Variants in RFX3 observed in about 807,000 individuals in gnomAD.
RFX3 encodes the protein regulatory factor X3, also known as transcription factor RFX3.
RFX3 carries 14 observed loss-of-function variants against 98.6 expected under a neutral mutation model. The ratio of observed to expected loss-of-function variants is 0.14; its 90% CI spans 0.09 to 0.22. The LOEUF (loss-of-function observed/expected upper bound fraction) is 0.22. Ranked by LOEUF, RFX3 falls within the 10% of genes least tolerant of loss-of-function variation. RFX3 has a pLI of 1.00. For synonymous variants in RFX3, 383 were observed against 328.4 expected, an observed-to-expected ratio of 1.17 and a Z score of -1.80; for missense variants, 639 against 926.9, an observed-to-expected ratio of 0.69 and a Z score of 4.03.
At chr9:3,323,658 T>G (rs918167587) in intron 4 of RFX3, among the ~76,000 whole-genome samples, 1 of 152,222 alleles carries the variant, frequency 6.6e-6, no homozygotes, top group Non-Finnish European at 1.5e-5. Flanking sequence ...TTTTCTGGCA[T>G]GTTACCCATA....
At position 3,225,122 on chromosome 9, in the gene RFX3, T is replaced by A; in HGVS notation, c.2170A>T (p.Ile724Phe). Residue 724 changes from isoleucine to phenylalanine, a missense_variant, in exon 17 of 17, where the codon ATT becomes TTT. Around this residue, in one of 9 missense-constraint regions of RFX3, gnomAD observed 129 missense variants for 124.6 expected, o/e 1.04. Coordinates refer to ENST00000617270, the MANE Select transcript of RFX3 (RefSeq NM_001282116.2). Reference protein sequence around the residue: ...TGVQPSLLNPIHSEHIVTSTQ... With the variant: ...TGVQPSLLNPFHSEHIVTSTQ... ...CTTGTGACAATGTGCTCGCTGTGAATTGGATTCAGGAGGCTTGGTTGCACG... is the reference window on the plus strand; with the variant it reads ...CTTGTGACAATGTGCTCGCTGTGAAATGGATTCAGGAGGCTTGGTTGCACG... The A allele has an allele frequency of 6.2e-7, 1 of 1,613,992 alleles. No individual in the cohort carries two copies. The highest frequency in any genetic ancestry group is 1.1e-5 in the South Asian group (1 of 91,082).
intron 15 of RFX3, among the ~76,000 whole-genome samples, chr9:3,240,882 T>G (rs1332596804): frequency 6.6e-6 from 1 of 152,166 alleles, no homozygotes; most frequent in African/African-American, 2.4e-5. Context: ...ACCGTCATGC[T>G]TACTCTATGC....
At chr9:3,243,780 C>A (rs907519099) in intron 15 of RFX3, among the ~76,000 whole-genome samples, 1 of 152,056 alleles carries the variant, frequency 6.6e-6, no homozygotes, top group Non-Finnish European at 1.5e-5. Flanking sequence ...AAACAAATAC[C>A]CAGCAAAGTT....
intron 1 of RFX3, among the ~76,000 whole-genome samples, chr9:3,434,296 GA>G (rs1844921504): frequency 6.6e-6 from 1 of 152,060 alleles, no homozygotes; most frequent in Non-Finnish European, 1.5e-5. Context: ...GCTTCTAACA[GA>G]ATATACCACT....
intron 1 of RFX3, among the ~76,000 whole-genome samples, chr9:3,456,944 C>G (rs1478287742): frequency 6.6e-6 from 1 of 151,690 alleles, no homozygotes; most frequent in Non-Finnish European, 1.5e-5. Context: ...GTCAAGAGAT[C>G]GAGACCATCC....
intron 1 of RFX3, among the ~76,000 whole-genome samples, chr9:3,426,019 A>C (rs1205791230): frequency 6.6e-6 from 1 of 152,168 alleles, no homozygotes; most frequent in Non-Finnish European, 1.5e-5. Context: ...AACCAAAAAA[A>C]CCCATCATTC....
intron 1 of RFX3, chr9:3,452,316 C>A (rs1362281785): frequency 2.0e-5 from 5 of 254,040 alleles, no homozygotes; most frequent in East Asian, 1.3e-4. Flanking sequence ...AATGGCCAGG[C>A]ACATTGGCTC....
chr9:3,412,896 AT>A (rs896687950), intron 1 of RFX3, among the ~76,000 whole-genome samples: 2 of 152,176 alleles, frequency 1.3e-5, no homozygotes, highest in African/African-American at 4.8e-5. Flanking sequence ...CCTGTTTATT[AT>A]TTAATGTGAG....
At position 3,250,107 on chromosome 9, in the gene RFX3, T is replaced by C. The variant is rs868558989; in HGVS notation, c.1815-1922A>G. ...TATAAGAGTTATATGAAAATAAATATTTCTATTCCTATGGTAAAAAAAATT... is the reference window on the plus strand; with the variant it reads ...TATAAGAGTTATATGAAAATAAATACTTCTATTCCTATGGTAAAAAAAATT... On this transcript the variant is annotated intron_variant, in intron 14 of 16. Coordinates refer to ENST00000617270, the MANE Select transcript of RFX3 (RefSeq NM_001282116.2). Among the ~76,000 whole-genome samples the C allele has an allele frequency of 2.6e-5, 4 of 151,860 alleles. No homozygotes were observed. In the South Asian group the frequency reaches 6.2e-4, roughly 24 times the overall value.
In RFX3 at chr9:3,303,546, A is replaced by G. The variant is rs1451857744; in HGVS notation, c.475-1926T>C. Among the ~76,000 whole-genome samples the G allele has an allele frequency of 3.3e-5, 5 of 151,964 alleles. 1 individual carries two copies. Among genetic ancestry groups the G allele is most frequent in the Admixed American group, 1.3e-4 (2 of 15,212 alleles). ...TATAATTTTTAATGAAAGGTAAATT[A>G]CCAGATACATAATTGCTGAGCAACA... On this transcript the variant is annotated intron_variant, in intron 4 of 16. Transcript: ENST00000617270.
intron 1 of RFX3, among the ~76,000 whole-genome samples, chr9:3,480,704 C>A (rs1030271407): frequency 6.6e-6 from 1 of 152,132 alleles, no homozygotes; most frequent in African/African-American, 2.4e-5. Context: ...TAAGTGGAAC[C>A]TGTTAATCAC....
chr9:3,254,472 C>T (rs769118176), intron 14 of RFX3, among the ~76,000 whole-genome samples: 11 of 151,862 alleles, frequency 7.2e-5, no homozygotes, highest in South Asian at 4.2e-4. Flanking sequence ...ATACCACTTA[C>T]GTTGTTATCT....
chr9:3,247,541 G>C, intron 15 of RFX3: 1 of 1,008,062 alleles, frequency 9.9e-7, no homozygotes, highest in Non-Finnish European at 1.2e-6. Context: ...AAAAAACATA[G>C]AACTGTGCCT....
At chr9:3,300,878 A>G (rs1828567776) in intron 5 of RFX3, among the ~76,000 whole-genome samples, 1 of 151,884 alleles carries the variant, frequency 6.6e-6, no homozygotes, top group Non-Finnish European at 1.5e-5. Context: ...CCCTTCTTAC[A>G]CTTACCAGTG....
intron 9 of RFX3, among the ~76,000 whole-genome samples, chr9:3,273,315 A>G (rs955359597): frequency 6.6e-6 from 1 of 152,130 alleles, no homozygotes; most frequent in Non-Finnish European, 1.5e-5. Flanking sequence ...TGGTAGGAAC[A>G]CTGGTAATTC....
chr9:3,340,203 T>G (rs2131043822), intron 3 of RFX3, among the ~76,000 whole-genome samples: 1 of 152,284 alleles, frequency 6.6e-6, no homozygotes, highest in South Asian at 2.1e-4. Flanking sequence ...TAGCCATATG[T>G]AGAAAGCTGA....
intron 1 of RFX3, among the ~76,000 whole-genome samples, chr9:3,436,743 T>C (rs1008437610): frequency 6.6e-6 from 1 of 152,016 alleles, no homozygotes; most frequent in African/African-American, 2.4e-5. Flanking sequence ...GTGCAATATT[T>C]GGGATAAAAA....
chr9:3,486,280 CTTTT>C (rs1297100053), intron 1 of RFX3, among the ~76,000 whole-genome samples: 5 of 151,976 alleles, frequency 3.3e-5, no homozygotes, highest in African/African-American at 1.2e-4. Context: ...TAGGGACTGT[CTTTT>C]TTATGACAAA....
intron 1 of RFX3, among the ~76,000 whole-genome samples, chr9:3,454,330 T>G (rs1455362074): frequency 6.6e-6 from 1 of 152,226 alleles, no homozygotes; most frequent in Non-Finnish European, 1.5e-5. Context: ...TCCATGTACT[T>G]GAATGCAACT....
Sources: gnomAD v4.1 joint callset for allele counts (sites outside exome capture counted in the v4.1 genomes callset) on GRCh38, gnomAD v4.1.1 for gene constraint, gnomAD v4.1.1 regional missense constraint, MANE v1.5 for transcripts, NCBI Gene and HGNC (gene_info 2026-07-23, HGNC 2026-07-21) for gene names.